The following NDUFAF6 variants were observed in gnomAD, a reference collection of about 807,000 sequenced individuals.
NDUFAF6 encodes NADH dehydrogenase (ubiquinone) complex I, assembly factor 6.
A neutral mutation model predicts 40.8 loss-of-function variants in NDUFAF6; 45 were observed. The ratio of observed to expected loss-of-function variants is 1.10; its 90% CI spans 0.87 to 1.42. The LOEUF (loss-of-function observed/expected upper bound fraction) is 1.42, where lower values mean the gene tolerates loss of function less well. Among genes scored for constraint, NDUFAF6 ranks in the 40% most tolerant of loss-of-function variants. NDUFAF6 has a pLI of 0.00. For missense variants in NDUFAF6, 435 were observed against 418.5 expected (o/e 1.04, Z -0.34); for synonymous variants, 185 against 155.9 (o/e 1.19, Z -1.39).
At chr8:95,040,869 C>G (rs1409354072) in intron 3 of NDUFAF6, 1 of 152,202 alleles carries the variant, frequency 6.6e-6, no homozygotes, top group Non-Finnish European at 1.5e-5. Flanking sequence ...TCGCCCATTT[C>G]TCGAGAGCCC....
chr8:94,922,252 T>C (rs192809923), intron 1 of NDUFAF6, among the ~76,000 whole-genome samples: 2 of 152,204 alleles, frequency 1.3e-5, no homozygotes, highest in Non-Finnish European at 2.9e-5. Flanking sequence ...CCTTGTGATC[T>C]GCCCACCTTG....
At chr8:95,010,540 C>T (rs555488383) in intron 2 of NDUFAF6, among the ~76,000 whole-genome samples, 3 of 152,224 alleles carry the variant, frequency 2.0e-5, no homozygotes, top group East Asian at 1.9e-4. Flanking sequence ...TATAGGGTTT[C>T]CCCCCTTTCT....
intron 2 of NDUFAF6, among the ~76,000 whole-genome samples, chr8:94,990,744 A>G (rs1441221434): frequency 1.3e-5 from 2 of 152,238 alleles, no homozygotes; most frequent in African/African-American, 4.8e-5. Context: ...GAAAAAATGG[A>G]CAATTGGTCA....
intron 4 of NDUFAF6, among the ~76,000 whole-genome samples, chr8:95,112,540 G>A (rs376373800): frequency 1.3e-5 from 2 of 152,280 alleles, no homozygotes; most frequent in African/African-American, 4.8e-5. Context: ...AACTATGAGA[G>A]AGTGGATTTC....
At chr8:95,089,454 A>C (rs1342746939) in intron 2 of NDUFAF6, among the ~76,000 whole-genome samples, 1 of 82,228 alleles carries the variant, frequency 1.2e-5, no homozygotes, top group Admixed American at 1.5e-4. Flanking sequence ...ACATAGTGTA[A>C]ACTGTGTGTA....
rs117635947 is a variant in NDUFAF6, at chr8:95,056,389, T to C, written c.874-1420T>C. Among the ~76,000 whole-genome samples, 242 of 152,142 alleles carry C rather than the reference T, an allele frequency of 1.6e-3. 2 individuals carry two copies. In the East Asian group the frequency reaches 0.038, roughly 24 times the overall value. The stretch of plus-strand genomic sequence containing the variant: ...CCACAGTCAGCTAATTGTTTTTGTA[T>C]TTTTTGAGAGATGGGGTTTTGCCGT... On this transcript the variant is annotated intron_variant, in intron 8 of 8. Coordinates refer to ENST00000396124, the MANE Select transcript of NDUFAF6 (RefSeq NM_152416.4).
intron 2 of NDUFAF6, among the ~76,000 whole-genome samples, chr8:95,003,369 G>T (rs2131647811): frequency 6.6e-6 from 1 of 152,326 alleles, no homozygotes; most frequent in East Asian, 1.9e-4. Context: ...GCATTCCTGG[G>T]ATAGCAAAAT....
At chr8:95,098,648 C>A (rs10095713), upstream of NDUFAF6, among the ~76,000 whole-genome samples, 1,494 of 152,152 alleles carry the variant, frequency 9.8e-3, 20 homozygotes, top group Middle Eastern at 0.034. Flanking sequence ...CCAGCCTGGG[C>A]GACAAGAACG....
At chr8:94,915,462 G>C (rs1317961525) in intron 1 of NDUFAF6, among the ~76,000 whole-genome samples, 1 of 152,138 alleles carries the variant, frequency 6.6e-6, no homozygotes, top group Non-Finnish European at 1.5e-5. Context: ...TTTAAATCCA[G>C]TCCACTTTTG....
chr8:95,088,689 T>TTGTG (rs545260109), intron 2 of NDUFAF6, among the ~76,000 whole-genome samples: 6,897 of 142,232 alleles, frequency 0.048, 230 homozygotes, highest in Non-Finnish European at 0.065. Context: ...TTTTGGGGTT[T>TTGTG]TGTGTGTGTG....
chr8:94,986,017 G>T (rs1290259952), intron 2 of NDUFAF6, among the ~76,000 whole-genome samples: 3 of 151,960 alleles, frequency 2.0e-5, no homozygotes, highest in African/African-American at 7.3e-5. Context: ...GGGACTACAG[G>T]CGTGTGCCAC....
chr8:94,910,580 A>G (rs1317272118), intron 1 of NDUFAF6, among the ~76,000 whole-genome samples: 1 of 151,556 alleles, frequency 6.6e-6, no homozygotes, highest in Non-Finnish European at 1.5e-5. Context: ...ATCTAAAAGA[A>G]TCTTGCCTTC....
chr8:94,896,723 C>T (rs1197182455), intron 1 of NDUFAF6: 1 of 152,094 alleles, frequency 6.6e-6, no homozygotes, highest in Non-Finnish European at 1.5e-5. Flanking sequence ...CGCCCGGCGA[C>T]CCCCGCTCCC....
intron 1 of NDUFAF6, among the ~76,000 whole-genome samples, chr8:94,937,453 A>C (rs1302534607): frequency 6.6e-6 from 1 of 151,878 alleles, no homozygotes; most frequent in African/African-American, 2.4e-5. Context: ...AAAAAAAAAA[A>C]AACCCAAAAA....
In NDUFAF6 at chr8:95,057,809, G is replaced by A. The variant is rs368684155; in HGVS notation, c.874G>A (p.Val292Ile). Residue 292 changes from valine (V) to isoleucine (I), a missense_variant and splice_region_variant, in exon 9 of 9, where the codon GTT (valine) becomes ATT (isoleucine). By Grantham distance (29) the Val-to-Ile change is conservative (BLOSUM62 3). Coordinates refer to ENST00000396124, the MANE Select transcript of NDUFAF6 (RefSeq NM_152416.4). ...GTGATCACTATTCTCTTTTTTCCAG[G>A]TTTCTCTAGAGGACTTTCTAAAGAA... is the stretch of plus-strand genomic sequence containing the variant. The part of the protein sequence containing the change: ...VKAFPAFLQT[V>I]SLEDFLKKIQ... The A allele has an allele frequency of 1.2e-6, 2 of 1,605,810 alleles. No individual in the cohort carries two copies. Among genetic ancestry groups the A allele is most frequent in the Non-Finnish European group, 1.7e-6 (2 of 1,175,890 alleles).
At chr8:95,047,433 C>T (rs1280679651) in intron 6 of NDUFAF6, among the ~76,000 whole-genome samples, 1 of 151,290 alleles carries the variant, frequency 6.6e-6, no homozygotes, top group Admixed American at 6.6e-5. Flanking sequence ...TCACCTTAGC[C>T]TGTTCTTTAT....
chr8:95,003,883 G>A (rs1426889715), intron 2 of NDUFAF6, among the ~76,000 whole-genome samples: 2 of 152,256 alleles, frequency 1.3e-5, no homozygotes, highest in South Asian at 4.1e-4. Context: ...GTCTAAATTG[G>A]GATAATTAAT....
chr8:94,944,691 G>A (rs561495066), intron 1 of NDUFAF6, among the ~76,000 whole-genome samples: 17 of 152,312 alleles, frequency 1.1e-4, no homozygotes, highest in Admixed American at 3.3e-4. Context: ...CCCGTGGGAA[G>A]AACACAGAAT....
At chr8:94,939,667 G>A in intron 1 of NDUFAF6, 1 of 779,796 alleles carries the variant, frequency 1.3e-6, no homozygotes, top group Non-Finnish European at 2.0e-6. Context: ...CAAAGTGCTG[G>A]GATTACAGGT....
Sources: allele counts gnomAD v4.1 joint callset (sites outside exome capture counted in the v4.1 genomes callset), GRCh38; gene constraint gnomAD v4.1.1; transcripts MANE v1.5; gene names NCBI Gene and HGNC (gene_info 2026-07-23, HGNC 2026-07-21).